TMEM132B: variants seen among roughly 807,000 people sequenced by gnomAD.
TMEM132B encodes transmembrane protein 132B.
A neutral mutation model predicts 90.8 loss-of-function variants in TMEM132B; 18 were observed. The ratio of observed to expected loss-of-function variants is 0.20; its 90% confidence interval spans 0.14 to 0.29. The LOEUF is 0.29. Among genes scored for constraint, TMEM132B ranks in the 10% least tolerant of loss-of-function variants. The pLI, the probability that TMEM132B is intolerant of heterozygous loss-of-function variation, is 1.00. For missense variants in TMEM132B, 1,096 were observed against 1,326.8 expected (o/e 0.83, Z 2.70); for synonymous variants, 504 against 523.3 (o/e 0.96, Z 0.50).
At chr12:125,244,399 G>A (rs1312765239) in intron 1 of TMEM132B, among the ~76,000 whole-genome samples, 1 of 152,202 alleles carries the variant, frequency 6.6e-6, no homozygotes, top group Non-Finnish European at 1.5e-5. Flanking sequence ...GGGAGAGGAT[G>A]GCACAGCTCT....
At position 125,505,183 on chromosome 12, in the gene TMEM132B, A is replaced by C. The variant is rs796797766; in HGVS notation, c.1107-14256A>C. Among the ~76,000 whole-genome samples the C allele has an allele frequency of 8.1e-3, 1,158 of 143,608 alleles. 16 individuals carry two copies. The highest frequency in any genetic ancestry group is 0.029 in the Middle Eastern group (8 of 278). 94.2% of individuals were successfully genotyped at this position (143,608 alleles called of 152,430 possible). A position where few individuals can be genotyped will look rare whatever the true frequency, so the allele number is the denominator to read the frequency against. On this transcript the variant is annotated intron_variant, in intron 3 of 8. Coordinates refer to ENST00000682704, the MANE Select transcript of TMEM132B (RefSeq NM_001366854.1). The stretch of plus-strand genomic sequence containing the variant: ...CCAGAGGACAAAAAAAAAAAAAAAA[A>C]AAAAAAAAAAAACAGTAAGTGGGGA...
chr12:125,654,005 C>A lies in TMEM132B; in HGVS notation c.2547C>A (p.Thr849=), dbSNP rs1322551870. Residue 849 remains threonine, a synonymous_variant, in exon 9 of 9, where the codon ACC becomes ACA. Coordinates refer to ENST00000682704, the MANE Select transcript of TMEM132B (RefSeq NM_001366854.1). This position sits in a 1 kb window ranked among gnomAD's most constrained non-coding sequence, Gnocchi z 5.8. The part of the protein sequence containing the change: ...RGTPVGQEES[T]NKSTTPQSPM... ...CACCTGTTGGCCAAGAGGAAAGTAC[C>A]AACAAAAGCACAACCCCCCAGTCTC... 6.2e-7 allele frequency: 1 copy of A among 1,614,090 alleles called. No homozygotes were observed. The highest frequency in any genetic ancestry group is 8.5e-7 in the Non-Finnish European group (1 of 1,180,020).
chr12:125,412,106 T>A (rs1879864644), intron 2 of TMEM132B, among the ~76,000 whole-genome samples: 2 of 152,192 alleles, frequency 1.3e-5, no homozygotes, highest in Non-Finnish European at 2.9e-5. Flanking sequence ...AGGAAGCGTT[T>A]GCCCACTGTG....
At chr12:125,397,025 G>A (rs957717835) in intron 2 of TMEM132B, among the ~76,000 whole-genome samples, 3 of 151,704 alleles carry the variant, frequency 2.0e-5, no homozygotes, top group African/African-American at 7.3e-5. Flanking sequence ...AGGCTGGAGT[G>A]CAGTGGCGTG....
intron 2 of TMEM132B, among the ~76,000 whole-genome samples, chr12:125,351,794 C>T (rs946405148): frequency 4.6e-5 from 7 of 152,096 alleles, no homozygotes; most frequent in African/African-American, 7.2e-5. Flanking sequence ...GGCTAGGAGT[C>T]GTAAAACTGG....
chr12:125,292,475 C>T (rs1875567614), intron 1 of TMEM132B, among the ~76,000 whole-genome samples: 1 of 152,210 alleles, frequency 6.6e-6, no homozygotes, highest in African/African-American at 2.4e-5. Flanking sequence ...TAGAAAGTGA[C>T]TATAATGAGA....
intron 1 of TMEM132B, among the ~76,000 whole-genome samples, chr12:125,193,405 A>G (rs1872848303): frequency 6.6e-6 from 1 of 152,138 alleles, no homozygotes; most frequent in African/African-American, 2.4e-5. Flanking sequence ...GGTGCCTGTG[A>G]TCTCCAGGGC....
chr12:125,217,623 TG>T (rs1229669663), intron 1 of TMEM132B, among the ~76,000 whole-genome samples: 4 of 152,110 alleles, frequency 2.6e-5, no homozygotes, highest in East Asian at 1.9e-4. Flanking sequence ...ATTAAAACAA[TG>T]TTTTTTTATG....
rs554470307 is a variant in TMEM132B, at chr12:125,384,875, C to T, written c.960-30656C>T. ...CCATGTTGGCTAGGCTGGTCTTGAA[C>T]TCCAGACCTCAGGTGATCCACCTGC... On this transcript the variant is annotated intron_variant, in intron 2 of 8. Coordinates refer to ENST00000682704, the MANE Select transcript of TMEM132B (RefSeq NM_001366854.1). Among the ~76,000 whole-genome samples, 11 of 152,302 alleles carry T rather than the reference C, an allele frequency of 7.2e-5. No individual in the cohort carries two copies. The South Asian group carries it at 2.1e-3, about 29-fold the overall frequency.
chr12:125,285,988 A>G (rs922367341), intron 1 of TMEM132B, among the ~76,000 whole-genome samples: 1 of 152,188 alleles, frequency 6.6e-6, no homozygotes, highest in Non-Finnish European at 1.5e-5. Flanking sequence ...CTCAGGGCCT[A>G]TTTACTGAGG....
rs1219075328 is a variant in TMEM132B, at chr12:125,210,879, C to G, written c.67+24013C>G. 7.2e-5 allele frequency among the ~76,000 whole-genome samples: 11 copies of G among 152,256 alleles called. No homozygotes were observed. In the East Asian group the frequency reaches 2.1e-3, roughly 29 times the overall value. ...TTGGGAGGCTGAGGCAGGAGGACCA[C>G]TTGACCCCAGGAAATCAAGGCTGCA... On this transcript the variant is annotated intron_variant, in intron 1 of 8. Transcript: ENST00000682704.
In TMEM132B at chr12:125,654,581, C is replaced by T. The variant is rs372923015; in HGVS notation, c.3123C>T (p.Asp1041=). 76 of 1,614,196 alleles carry T rather than the reference C, an allele frequency of 4.7e-5. 1 individual carries two copies. The African/African-American group carries it at 4.9e-4, about 10-fold the overall frequency. Residue 1041 remains aspartate, a synonymous_variant, in exon 9 of 9, where the codon GAC becomes GAT. Coordinates refer to ENST00000682704, the MANE Select transcript of TMEM132B (RefSeq NM_001366854.1). The surrounding 1 kb of genome is among the most constrained non-coding windows in gnomAD (Gnocchi z 5.8). The stretch of plus-strand genomic sequence containing the variant: ...CCTACACCACCATCCTCCCAGAGGA[C>T]GGCGGCCCATACACCAACTCCATCC... The part of the protein sequence containing the change: ...FTSYTTILPE[D]GGPYTNSILF...
At chr12:125,556,621 A>G (rs901684758) in intron 4 of TMEM132B, among the ~76,000 whole-genome samples, 1 of 152,230 alleles carries the variant, frequency 6.6e-6, no homozygotes, top group African/African-American at 2.4e-5. Flanking sequence ...TTATATTCCC[A>G]TGTGACAAGA....
chr12:125,419,095 C>G (rs1224569414), intron 3 of TMEM132B, among the ~76,000 whole-genome samples: 1 of 152,142 alleles, frequency 6.6e-6, no homozygotes, highest in African/African-American at 2.4e-5. Context: ...AACCACAATA[C>G]AGAGCCCATT....
At position 125,653,955 on chromosome 12, in the gene TMEM132B, G is replaced by A; in HGVS notation, c.2497G>A (p.Val833Ile). The change falls in exon 9 of 9, where the codon GTC becomes ATC. Residue 833 changes from valine to isoleucine, a missense_variant. By Grantham distance (29) the Val-to-Ile change is conservative. Coordinates refer to ENST00000682704, the MANE Select transcript of TMEM132B (RefSeq NM_001366854.1). ...GCGCGAAGGAAACCAGGAGAGAGCA[G>A]TCCAGGAATGGTTCCACCGTGGCAC... is the stretch of plus-strand genomic sequence containing the variant. ...IEREGNQERA[V>I]QEWFHRGTPV... 2 of 1,614,198 alleles carry A rather than the reference G, an allele frequency of 1.2e-6. No homozygotes were observed. Among genetic ancestry groups the A allele is most frequent in the Non-Finnish European group, 1.7e-6 (2 of 1,180,048 alleles).
intron 3 of TMEM132B, among the ~76,000 whole-genome samples, chr12:125,456,996 C>G (rs1377845906): frequency 7.2e-5 from 11 of 152,174 alleles, no homozygotes; most frequent in Non-Finnish European, 1.6e-4. Context: ...GCCCAAATCC[C>G]GAGGTCCTCC....
intron 1 of TMEM132B, among the ~76,000 whole-genome samples, chr12:125,239,488 G>T (rs540373971): frequency 6.6e-6 from 1 of 152,118 alleles, no homozygotes; most frequent in South Asian, 2.1e-4. Context: ...CTGGATCCTC[G>T]TCTCTTTCTT....
At chr12:125,565,297 C>G (rs1422874672) in intron 4 of TMEM132B, among the ~76,000 whole-genome samples, 7 of 152,130 alleles carry the variant, frequency 4.6e-5, no homozygotes, top group Non-Finnish European at 1.5e-5. Context: ...CATGCATGCT[C>G]AAACCCTGTG....
intron 1 of TMEM132B, among the ~76,000 whole-genome samples, chr12:125,194,056 T>A (rs1452549682): frequency 6.6e-6 from 1 of 152,230 alleles, no homozygotes; most frequent in Admixed American, 6.5e-5. Flanking sequence ...TTCCAGTGCC[T>A]TCCCTTGGCA....
Sources: gnomAD v4.1 joint callset for allele counts (sites outside exome capture counted in the v4.1 genomes callset) on GRCh38, gnomAD v4.1.1 for gene constraint, Gnocchi (gnomAD v3.1) non-coding constraint, MANE v1.5 for transcripts, NCBI Gene and HGNC (gene_info 2026-07-23, HGNC 2026-07-21) for gene names.